The following LIMD1 variants were observed in gnomAD, a reference collection of about 807,000 sequenced individuals.
The protein encoded by LIMD1 is LIM domain-containing protein 1.
Under a neutral mutation model 58.4 loss-of-function variants are expected in LIMD1, and 23 were observed. The observed-to-expected ratio is 0.39, with a 90% CI of 0.28 to 0.56. The LOEUF is 0.56. Ranked by LOEUF, LIMD1 falls within the 20% of genes least tolerant of loss-of-function variation. LIMD1 has a pLI of 0.57. For synonymous variants in LIMD1, 334 were observed against 345.5 expected (o/e 0.97, Z 0.37); for missense variants, 838 against 855.5 (o/e 0.98, Z 0.25).
chr3:45,619,454 T>C (rs1701609168), intron 1 of LIMD1, among the ~76,000 whole-genome samples: 1 of 152,248 alleles, frequency 6.6e-6, no homozygotes, highest in Admixed American at 6.5e-5. Context: ...TTATCTGATA[T>C]TCGAATTTGC....
At chr3:45,676,674 G>A (rs1447674584) in intron 7 of LIMD1, among the ~76,000 whole-genome samples, 1 of 152,032 alleles carries the variant, frequency 6.6e-6, no homozygotes, top group Non-Finnish European at 1.5e-5. Flanking sequence ...TCCTCTTTTT[G>A]TCCTAAGTCT....
intron 2 of LIMD1, among the ~76,000 whole-genome samples, chr3:45,638,873 A>G (rs1701814850): frequency 6.6e-6 from 1 of 152,096 alleles, no homozygotes. Flanking sequence ...GATGATAATG[A>G]TGTGGAGGTT....
Position 45,653,907 on chromosome 3 carries a change from C to CAAA in LIMD1, c.1511-11726_1511-11724dup, listed in dbSNP as rs35185922. 1.9e-3 allele frequency among the ~76,000 whole-genome samples: 139 copies of CAAA among 74,784 alleles called. 3 individuals carry two copies. In the East Asian group the frequency reaches 0.036, roughly 20 times the overall value. The allele number at this position is 74,784 out of a possible 152,430, so 49.1% of individuals were successfully genotyped here. A position where few individuals can be genotyped will look rare whatever the true frequency, so the allele number is the denominator to read the frequency against. On this transcript the variant is annotated intron_variant, in intron 2 of 7. Coordinates refer to ENST00000273317, the MANE Select transcript of LIMD1 (RefSeq NM_014240.3). ...CCTGAGTGACGGAGCAAGACTGTCT[C>CAAA]AAAAAAAAAAAAAAAAAAAGAAAAA...
intron 6 of LIMD1, chr3:45,673,886 C>CAAA: frequency 7.3e-5 from 14 of 192,074 alleles, no homozygotes; most frequent in South Asian, 2.2e-4. Context: ...ACCTTGTCTC[C>CAAA]AAAAAAAAAA....
intron 1 of LIMD1, among the ~76,000 whole-genome samples, chr3:45,613,923 G>A (rs1701552819): frequency 6.6e-6 from 1 of 152,124 alleles, no homozygotes; most frequent in Admixed American, 6.5e-5. Flanking sequence ...CTTTTCCAAA[G>A]TGGCCGTGCC....
chr3:45,612,070 G>GCGCTCTCT (rs55860697), intron 1 of LIMD1, among the ~76,000 whole-genome samples: 2,727 of 144,860 alleles, frequency 0.019, 42 homozygotes, highest in Middle Eastern at 0.046. Flanking sequence ...GCAGGTGCGC[G>GCGCTCTCT]CTCTCTCTCT....
At chr3:45,676,142 T>C (rs1329394589) in intron 7 of LIMD1, among the ~76,000 whole-genome samples, 1 of 152,050 alleles carries the variant, frequency 6.6e-6, no homozygotes, top group Admixed American at 6.5e-5. Flanking sequence ...CTTGGGAGGC[T>C]GAGACAGGAG....
At chr3:45,628,897 A>C (rs1701697447) in intron 1 of LIMD1, among the ~76,000 whole-genome samples, 1 of 152,248 alleles carries the variant, frequency 6.6e-6, no homozygotes, top group South Asian at 2.1e-4. Context: ...GAAAGAAACC[A>C]GATAAAGTAC....
chr3:45,665,501 C>T, intron 2 of LIMD1, 149 bp from the exon 3 acceptor site: 1 of 624,244 alleles, frequency 1.6e-6, no homozygotes, highest in Non-Finnish European at 2.8e-6. Flanking sequence ...AGGGCCACGG[C>T]ATCTTTTAGG....
intron 3 of LIMD1, among the ~76,000 whole-genome samples, chr3:45,666,942 C>A (rs916221163): frequency 1.3e-5 from 2 of 152,160 alleles, no homozygotes; most frequent in Non-Finnish European, 2.9e-5. Context: ...AAAGTTGATT[C>A]ATTATGATTC....
intron 4 of LIMD1, 32 bp downstream of exon 4, chr3:45,668,388 T>C (rs1388435506): frequency 2.0e-6 from 3 of 1,534,626 alleles, no homozygotes; most frequent in Admixed American, 1.7e-5. Flanking sequence ...GAGAACAGCA[T>C]CTCAGGTGGA....
intron 3 of LIMD1, 61 bp downstream of exon 3, chr3:45,665,778 T>TG: frequency 2.2e-6 from 3 of 1,384,238 alleles, no homozygotes; most frequent in Non-Finnish European, 3.1e-6. Context: ...GGCAGGGGCC[T>TG]GGGGGGACCT....
Position 45,596,253 on chromosome 3 carries a change from A to G in LIMD1, c.1374A>G (p.Arg458=). The stretch of plus-strand genomic sequence containing the variant: ...AAGCCCTCACCCAACGTCTGGAGCG[A>G]GAGATGGATGCTCACCCGAAGGCTG... ...KLEALTQRLE[R]EMDAHPKADY... Residue 458 remains arginine (R), a synonymous_variant, in exon 1 of 8, where the codon CGA becomes CGG. Transcript: ENST00000273317. 1 of 1,610,380 alleles carries G rather than the reference A, an allele frequency of 6.2e-7. No individual in the cohort carries two copies. Among genetic ancestry groups the G allele is most frequent in the Non-Finnish European group, 8.5e-7 (1 of 1,178,676 alleles).
At chr3:45,630,482 G>A (rs952474175) in intron 1 of LIMD1, among the ~76,000 whole-genome samples, 1 of 152,192 alleles carries the variant, frequency 6.6e-6, no homozygotes, top group Admixed American at 6.5e-5. Context: ...CAGAAGGCAC[G>A]CACCTGCAGG....
At chr3:45,640,790 C>A (rs1701834054) in intron 2 of LIMD1, among the ~76,000 whole-genome samples, 1 of 152,196 alleles carries the variant, frequency 6.6e-6, no homozygotes, top group Non-Finnish European at 1.5e-5. Context: ...TGCCAGCAAA[C>A]CAGGCCCTAG....
chr3:45,614,427 A>C (rs1287293058), intron 1 of LIMD1, among the ~76,000 whole-genome samples: 1 of 149,204 alleles, frequency 6.7e-6, no homozygotes, highest in Admixed American at 6.7e-5. Flanking sequence ...AAAAAAAAAA[A>C]GGAAATCCTC....
At chr3:45,676,018 C>G (rs142888819) in intron 7 of LIMD1, among the ~76,000 whole-genome samples, 1 of 152,078 alleles carries the variant, frequency 6.6e-6, no homozygotes, top group South Asian at 2.1e-4. Context: ...TTTGGGAGGG[C>G]AGATCACTTG....
At position 45,639,438 on chromosome 3, in the gene LIMD1, A is replaced by G. The variant is rs374918951; in HGVS notation, c.1510+3187A>G. On this transcript the variant is annotated intron_variant, in intron 2 of 7. Coordinates refer to ENST00000273317, the MANE Select transcript of LIMD1 (RefSeq NM_014240.3). ...CCATACACTGGTTGGCTTATAAACA[A>G]TAGAAATGTATTTCTCACAGTTCTA... 2.6e-5 allele frequency among the ~76,000 whole-genome samples: 4 copies of G among 152,206 alleles called. No homozygotes were observed. The East Asian group carries it at 5.8e-4, about 22-fold the overall frequency.
intron 1 of LIMD1, among the ~76,000 whole-genome samples, chr3:45,623,974 G>C (rs568313917): frequency 3.3e-5 from 5 of 152,194 alleles, no homozygotes; most frequent in African/African-American, 1.2e-4. Flanking sequence ...GAGATCTTTT[G>C]TGAGCTTTTA....
Sources: allele counts gnomAD v4.1 joint callset (sites outside exome capture counted in the v4.1 genomes callset), GRCh38; gene constraint gnomAD v4.1.1; transcripts MANE v1.5; gene names NCBI Gene and HGNC (gene_info 2026-07-23, HGNC 2026-07-21).